The following NUP42 variants were observed in gnomAD, a reference collection of about 807,000 sequenced individuals.
NUP42 encodes the protein nucleoporin NUP42.
In NUP42, 47 loss-of-function variants were observed where a neutral mutation model predicts 35.9. The observed-to-expected ratio is 1.31, with a 90% CI of 1.04 to 1.67. The LOEUF (loss-of-function observed/expected upper bound fraction) is 1.67. Ranked by LOEUF, NUP42 falls within the 40% of genes most tolerant of loss-of-function variation. The pLI is 0.00. For missense variants in NUP42, 514 were observed against 492.2 expected (o/e 1.04, Z -0.42); for synonymous variants, 173 against 173.3 (o/e 1.00, Z 0.01).
At chr7:23,183,886 CTT>C (rs58061757) in intron 1 of NUP42, among the ~76,000 whole-genome samples, 187 of 128,772 alleles carry the variant, frequency 1.5e-3, no homozygotes, top group Non-Finnish European at 2.0e-3. Flanking sequence ...GCAATCTCCA[CTT>C]TTTTTTTTTT....
Position 23,182,189 on chromosome 7 carries a change from C to A in NUP42, c.104C>A (p.Pro35Gln). 1 of 1,612,280 alleles carries A rather than the reference C, an allele frequency of 6.2e-7. No individual in the cohort carries two copies. The highest frequency in any genetic ancestry group is 1.7e-4 in the Middle Eastern group (1 of 6,058). Residue 35 changes from proline (P) to glutamine (Q), a missense_variant, in exon 1 of 7, where the codon CCG becomes CAG. Transcript: ENST00000258742. ...GGTGCAGGAGGAGGACGGCAGCAAC[C>A]GCAGCAGCAGCCTTCAGGTGACTCT... ...ARGAGGGRQQ[P>Q]QQQPSGNNRR...
chr7:23,188,039 A>C (rs1352787711), intron 3 of NUP42: 2 of 1,412,160 alleles, frequency 1.4e-6, no homozygotes, highest in Non-Finnish European at 1.9e-6. Flanking sequence ...ATAGTCCCTA[A>C]GCCCTTTCTG....
In NUP42 at chr7:23,195,959, C is replaced by G. The variant is rs748212217; in HGVS notation, c.522+44C>G. On this transcript the variant is annotated intron_variant, in intron 4 of 6. Coordinates refer to ENST00000258742, the MANE Select transcript of NUP42 (RefSeq NM_007342.3). ...AATCTACTGCAATAACAGATGAGCT[C>G]TTAATTACTGCTTTCTTTATCGTGG... 3 of 1,193,380 alleles carry G rather than the reference C, an allele frequency of 2.5e-6. No homozygotes were observed. In the African/African-American group the frequency reaches 4.6e-5, roughly 18 times the overall value. 73.9% of individuals were successfully genotyped at this position (1,193,380 alleles called of 1,614,324 possible).
At chr7:23,196,629 T>G (rs376419470) in intron 4 of NUP42, 51 bp from the exon 5 acceptor site, 41 of 1,279,946 alleles carry the variant, frequency 3.2e-5, no homozygotes, top group Non-Finnish European at 4.3e-5. Flanking sequence ...TTGAAGAAAC[T>G]AACTTAAACA....
chr7:23,200,152 T>G lies in NUP42; in HGVS notation c.695-16T>G, dbSNP rs1395364142. The G allele has an allele frequency of 2.0e-6, 3 of 1,479,740 alleles. No homozygotes were observed. Among genetic ancestry groups the G allele is most frequent in the Non-Finnish European group, 2.7e-6 (3 of 1,099,486 alleles). 91.7% of individuals were successfully genotyped at this position (1,479,740 alleles called of 1,614,324 possible). A position where few individuals can be genotyped will look rare whatever the true frequency, so the allele number is the denominator to read the frequency against. ...TAGATTTTTGTTGTTTTTTTTGTTG[T>G]TGTTGTTGTTTGTAGGCTTTCCAGT... On this transcript the variant is annotated splice_polypyrimidine_tract_variant and intron_variant, in intron 6 of 6. Transcript: ENST00000258742.
rs973817825 is a variant in NUP42, at chr7:23,182,470, C to G, written c.121+264C>G. The G allele has an allele frequency of 5.5e-6, 7 of 1,281,658 alleles. No individual in the cohort carries two copies. In the African/African-American group the frequency reaches 5.9e-5, roughly 11 times the overall value. The allele number at this position is 1,281,658 out of a possible 1,614,324, so 79.4% of individuals were successfully genotyped here. On this transcript the variant is annotated intron_variant, in intron 1 of 6. Coordinates refer to ENST00000258742, the MANE Select transcript of NUP42 (RefSeq NM_007342.3). ...AACTGAGTTTTTAAATCGGAAGTAC[C>G]TATCGAAACTACCTTGTAGGTAAAT...
At chr7:23,192,795 C>T (rs1785847215) in intron 3 of NUP42, among the ~76,000 whole-genome samples, 1 of 152,000 alleles carries the variant, frequency 6.6e-6, no homozygotes, top group African/African-American at 2.4e-5. Flanking sequence ...AACAGAACTG[C>T]AAGGGTCCAC....
Position 23,196,698 on chromosome 7 carries a change from T to G in NUP42, c.541T>G (p.Leu181Val). Reference sequence around the variant, plus strand: ...TTTTCAGCTAAATTCTGTCCAACGTTTAATAAATCAATGGAGGAACAGGGT... The same window carrying G: ...TTTTCAGCTAAATTCTGTCCAACGTGTAATAAATCAATGGAGGAACAGGGT... ...LQSYLNSVQR[L>V]INQWRNRVNE... The change falls in exon 5 of 7, where the codon TTA becomes GTA. Residue 181 changes from leucine (L) to valine (V), a missense_variant. Coordinates refer to ENST00000258742, the MANE Select transcript of NUP42 (RefSeq NM_007342.3). The G allele has an allele frequency of 1.9e-6, 3 of 1,611,510 alleles. No homozygotes were observed. Among genetic ancestry groups the G allele is most frequent in the Non-Finnish European group, 2.5e-6 (3 of 1,177,938 alleles).
chr7:23,193,929 C>T (rs1386626186), intron 3 of NUP42, among the ~76,000 whole-genome samples: 8 of 152,218 alleles, frequency 5.3e-5, no homozygotes. Flanking sequence ...GCCGGTGGGC[C>T]GGCACTGCTG....
Position 23,182,149 on chromosome 7 carries a change from CA to C in NUP42, c.65del (p.His22LeufsTer100), listed in dbSNP as rs1410906318. On this transcript the variant is annotated frameshift_variant, in exon 1 of 7. Transcript: ENST00000258742. LOFTEE classifies it high-confidence loss of function. ...CRFGDRCWNEHPGARGAGGGR... is the reference protein window; with the variant it reads ...CRFGDRCWNEXPGARGAGGGR... Reference sequence around the variant, plus strand: ...CTTTGGAGATCGGTGCTGGAACGAACATCCCGGTGCTAGGGGTGCAGGAGGA... The same window carrying C: ...CTTTGGAGATCGGTGCTGGAACGAACTCCCGGTGCTAGGGGTGCAGGAGGA... 1 of 1,614,180 alleles carries C rather than the reference CA, an allele frequency of 6.2e-7. No homozygotes were observed. Among genetic ancestry groups the C allele is most frequent in the Non-Finnish European group, 8.5e-7 (1 of 1,180,006 alleles).
intron 5 of NUP42, 21 bp from the exon 6 acceptor site, chr7:23,199,437 T>C (rs1316225212): frequency 5.6e-6 from 9 of 1,598,828 alleles, no homozygotes; most frequent in Non-Finnish European, 6.9e-6. Context: ...ACTTTATTAT[T>C]TGCACACTTT....
At chr7:23,182,303 A>C in intron 1 of NUP42, 97 bp downstream of exon 1, 2 of 1,507,816 alleles carry the variant, frequency 1.3e-6, no homozygotes, top group South Asian at 1.3e-5. Context: ...GGTGACCCCA[A>C]CGTGCCCGCG....
rs112804363 is a variant in NUP42 at position 23,186,910 on chromosome 7, C to T, written c.351-142C>T. 5.2e-6 allele frequency: 3 copies of T among 577,998 alleles called. No individual in the cohort carries two copies. The Admixed American group carries it at 9.8e-5, about 19-fold the overall frequency. The allele number at this position is 577,998 out of a possible 1,614,324, so 35.8% of individuals were successfully genotyped here. A position where few individuals can be genotyped will look rare whatever the true frequency, so the allele number is the denominator to read the frequency against. ...TAGTTCACACTTCTATAAACTTGTG[C>T]TTTAAAGAACACTCTTCAGAAAATA... is the stretch of plus-strand genomic sequence containing the variant. On this transcript the variant is annotated intron_variant, in intron 2 of 6. Coordinates refer to ENST00000258742, the MANE Select transcript of NUP42 (RefSeq NM_007342.3).
rs570110466 is a variant in NUP42, at chr7:23,188,238, C to T, written c.445+1092C>T. ...TGTGAGCATTTGCATTACAACGCTT[C>T]TTATTTATTCACTTGTCCATTTAAC... On this transcript the variant is annotated intron_variant, in intron 3 of 6. Coordinates refer to ENST00000258742, the MANE Select transcript of NUP42 (RefSeq NM_007342.3). The T allele has an allele frequency of 5.2e-5, 65 of 1,247,662 alleles. No homozygotes were observed. The African/African-American group carries it at 9.2e-4, about 18-fold the overall frequency. The allele number at this position is 1,247,662 out of a possible 1,614,324, so 77.3% of individuals were successfully genotyped here. A position where few individuals can be genotyped will look rare whatever the true frequency, so the allele number is the denominator to read the frequency against.
At chr7:23,193,823 C>T (rs1406134670) in intron 3 of NUP42, among the ~76,000 whole-genome samples, 1 of 152,186 alleles carries the variant, frequency 6.6e-6, no homozygotes. Context: ...CAGGAGCGCA[C>T]GGAGGTGAGG....
intron 3 of NUP42, chr7:23,187,917 T>G: frequency 1.9e-6 from 1 of 525,170 alleles, no homozygotes; most frequent in Admixed American, 3.8e-5. Flanking sequence ...GGAATAGCAT[T>G]TGCTTTAGAA....
intron 5 of NUP42, 36 bp from the exon 6 acceptor site, chr7:23,199,422 C>G: frequency 6.5e-7 from 1 of 1,528,144 alleles, no homozygotes; most frequent in South Asian, 1.1e-5. Context: ...CACTATTCAT[C>G]AAGCACTTTA....
At chr7:23,192,557 A>AAAAG (rs1785833797) in intron 3 of NUP42, among the ~76,000 whole-genome samples, 1 of 151,484 alleles carries the variant, frequency 6.6e-6, no homozygotes, top group Non-Finnish European at 1.5e-5. Context: ...AAAAAAAAAA[A>AAAAG]AAAAAAGAAA....
At chr7:23,197,108 C>A in intron 5 of NUP42, 1 of 691,102 alleles carries the variant, frequency 1.4e-6, no homozygotes, top group Non-Finnish European at 2.3e-6. Flanking sequence ...TATATGAATG[C>A]ACATTTAGAA....
Sources: gnomAD v4.1 joint callset for allele counts (sites outside exome capture counted in the v4.1 genomes callset) on GRCh38, gnomAD v4.1.1 for gene constraint, MANE v1.5 for transcripts, NCBI Gene and HGNC (gene_info 2026-07-23, HGNC 2026-07-21) for gene names.